SLC4A3: variants seen among roughly 807,000 people sequenced by gnomAD.
SLC4A3 encodes the protein solute carrier family 4 member 3.
A neutral mutation model predicts 114.2 loss-of-function variants in SLC4A3; 47 were observed. The ratio of observed to expected loss-of-function variants is 0.41; its 90% CI spans 0.33 to 0.52. The LOEUF is 0.52. Ranked by LOEUF, SLC4A3 falls within the 20% of genes least tolerant of loss-of-function variation. SLC4A3 has a pLI of 0.21. For synonymous variants in SLC4A3, 693 were observed against 710.3 expected (o/e 0.98, Z 0.39); for missense variants, 1,312 against 1,668.3 (o/e 0.79, Z 3.72).
Position 219,633,207 on chromosome 2 carries a change from A to G in SLC4A3, c.1278-67A>G. Reference sequence around the variant, plus strand: ...GGGATGGAGGTCCTGACCCTCCACTACTCACCTCATGACCTCAGTCTACCA... The same window carrying G: ...GGGATGGAGGTCCTGACCCTCCACTGCTCACCTCATGACCTCAGTCTACCA... On this transcript the variant is annotated intron_variant, in intron 9 of 22. Coordinates refer to ENST00000358055, the MANE Select transcript of SLC4A3 (RefSeq NM_005070.4). 3.5e-6 allele frequency: 5 copies of G among 1,448,210 alleles called. No homozygotes were observed. In the East Asian group the frequency reaches 9.2e-5, roughly 27 times the overall value. The allele number at this position is 1,448,210 out of a possible 1,614,324, so 89.7% of individuals were successfully genotyped here.
intron 14 of SLC4A3, 57 bp downstream of exon 14, chr2:219,635,948 T>A: frequency 7.4e-7 from 1 of 1,342,936 alleles, no homozygotes; most frequent in Non-Finnish European, 9.9e-7. Flanking sequence ...CTGGTCCCAG[T>A]GTCACTTGCA....
rs780019162 is a variant in SLC4A3, at chr2:219,637,543, C to T, written c.2536-38C>T. ...ATGACGATGAAGTCAGGTCACCTGC[C>T]AGGTGAGTGACAAGGCATCCTTGTT... On this transcript the variant is annotated intron_variant, in intron 16 of 22. Transcript: ENST00000358055. This position sits in a 1 kb window ranked among gnomAD's most constrained non-coding sequence, Gnocchi z 4.6. 1.7e-6 allele frequency: 2 copies of T among 1,192,792 alleles called. No homozygotes were observed. Among genetic ancestry groups the T allele is most frequent in the Non-Finnish European group, 2.4e-6 (2 of 828,826 alleles). The allele number at this position is 1,192,792 out of a possible 1,614,324, so 73.9% of individuals were successfully genotyped here. A position where few individuals can be genotyped will look rare whatever the true frequency, so the allele number is the denominator to read the frequency against.
chr2:219,629,318 G>A lies in SLC4A3; in HGVS notation c.392G>A (p.Gly131Glu). 1 of 1,613,164 alleles carries A rather than the reference G, an allele frequency of 6.2e-7. No homozygotes were observed. Among genetic ancestry groups the A allele is most frequent in the Non-Finnish European group, 8.5e-7 (1 of 1,179,520 alleles). The change falls in exon 4 of 23, where the codon GGA becomes GAA. Residue 131 changes from glycine (G) to glutamate (E), a missense_variant. Physicochemically the swap from Gly to Glu is moderately conservative, Grantham distance 98. Transcript: ENST00000358055. ...EGTPPIQEEG[G>E]AGVDEEEEEE... ...ACCCCTCCCATCCAGGAGGAGGGGGGAGCTGGAGTGGATGAGGAAGAGGAG... is the reference window on the plus strand; with the variant it reads ...ACCCCTCCCATCCAGGAGGAGGGGGAAGCTGGAGTGGATGAGGAAGAGGAG...
At position 219,629,390 on chromosome 2, in the gene SLC4A3, C is replaced by T. The variant is rs528947239; in HGVS notation, c.464C>T (p.Pro155Leu). The T allele has an allele frequency of 5.5e-5, 88 of 1,589,922 alleles. No individual in the cohort carries two copies. In the African/African-American group the frequency reaches 5.9e-4, roughly 11 times the overall value. ...EGESEAEPVE[P>L]PHSGTPQKAK... is the part of the protein sequence containing the mutation. ...GAATCTGAGGCAGAACCTGTGGAGC[C>T]CCCCCACTCAGGGACCCCACAGAAG... The change falls in exon 4 of 23, where the codon CCC becomes CTC. Residue 155 changes from proline (P) to leucine (L), a missense_variant. This residue lies in a region of SLC4A3 where 236 missense variants were observed against 212.1 expected (regional missense o/e 1.11). Coordinates refer to ENST00000358055, the MANE Select transcript of SLC4A3 (RefSeq NM_005070.4).
At position 219,640,890 on chromosome 2, in the gene SLC4A3, C is replaced by T. The variant is rs1020179402; in HGVS notation, c.3549C>T (p.Phe1183=). 1.2e-6 allele frequency: 2 copies of T among 1,611,644 alleles called. No homozygotes were observed. Among genetic ancestry groups the T allele is most frequent in the African/African-American group, 1.3e-5 (1 of 74,922 alleles). The change falls in exon 22 of 23, where the codon TTC becomes TTT. Residue 1183 remains phenylalanine, a synonymous_variant. Coordinates refer to ENST00000358055, the MANE Select transcript of SLC4A3 (RefSeq NM_005070.4). The stretch of plus-strand genomic sequence containing the variant: ...CGGCGGCCTCACTCGCCTTTCCCTT[C>T]CTGCTGCTGCTCACGGTGCCTCTGA... ...KSTAASLAFP[F]LLLLTVPLRH... is the part of the protein sequence containing the mutation.
chr2:219,635,302 A>T lies in SLC4A3; in HGVS notation c.1778A>T (p.Asp593Val). 1 of 1,614,024 alleles carries T rather than the reference A, an allele frequency of 6.2e-7. No homozygotes were observed. The highest frequency in any genetic ancestry group is 8.5e-7 in the Non-Finnish European group (1 of 1,179,994). The stretch of plus-strand genomic sequence containing the variant: ...CATGAGGCTGCCTACCAGGCAGATG[A>T]CCGGCAAGACCTCCTAAGTGCCATC... The part of the protein sequence containing the change: ...LFHEAAYQAD[D>V]RQDLLSAISE... The change falls in exon 13 of 23, where the codon GAC (aspartate) becomes GTC (valine). Residue 593 changes from aspartate (D) to valine (V), a missense_variant. Coordinates refer to ENST00000358055, the MANE Select transcript of SLC4A3 (RefSeq NM_005070.4).
intron 12 of SLC4A3, 51 bp downstream of exon 12, chr2:219,634,655 C>T (rs1699056113): frequency 1.3e-6 from 2 of 1,575,516 alleles, no homozygotes; most frequent in Non-Finnish European, 1.7e-6. Context: ...CCTGCTTACC[C>T]CTGTCCCTCA....
chr2:219,639,952 C>T lies in SLC4A3; in HGVS notation c.3277+217C>T, dbSNP rs550389922. Among the ~76,000 whole-genome samples, 6 of 151,940 alleles carry T rather than the reference C, an allele frequency of 3.9e-5. No homozygotes were observed. Among genetic ancestry groups the T allele is most frequent in the South Asian group, 2.1e-4 (1 of 4,816 alleles). On this transcript the variant is annotated intron_variant, in intron 20 of 22. Transcript: ENST00000358055. This position sits in a 1 kb window ranked among gnomAD's most constrained non-coding sequence, Gnocchi z 5.9. ...CTCTTCTCTCTCTTTTTTTTTGAGACGGAGTCTCGCTCTGTCACCCAGGCT... is the reference window on the plus strand; with the variant it reads ...CTCTTCTCTCTCTTTTTTTTTGAGATGGAGTCTCGCTCTGTCACCCAGGCT...
chr2:219,633,365 C>T lies in SLC4A3; in HGVS notation c.1369C>T (p.Pro457Ser). The T allele has an allele frequency of 6.2e-7, 1 of 1,607,738 alleles. No homozygotes were observed. The highest frequency in any genetic ancestry group is 8.5e-7 in the Non-Finnish European group (1 of 1,175,908). Residue 457 changes from proline to serine, a missense_variant, in exon 10 of 23, where the codon CCC (proline) becomes TCC (serine). Around this residue, in one of 4 missense-constraint regions of SLC4A3, gnomAD observed 771 missense variants for 977.7 expected, o/e 0.79. Transcript: ENST00000358055. Reference protein sequence around the residue: ...NSVLGNHHPTPSHGPDGAVPT... With the variant: ...NSVLGNHHPTSSHGPDGAVPT... ...GGTTCTGGGGAATCATCACCCAACT[C>T]CCAGCCATGGCCCTGATGGGGCGGT...
chr2:219,631,218 G>A lies in SLC4A3; in HGVS notation c.812-750G>A. The A allele has an allele frequency of 8.1e-6, 10 of 1,234,868 alleles. No individual in the cohort carries two copies. Among genetic ancestry groups the A allele is most frequent in the Non-Finnish European group, 1.1e-5 (10 of 951,310 alleles). The allele number at this position is 1,234,868 out of a possible 1,614,324, so 76.5% of individuals were successfully genotyped here. A position where few individuals can be genotyped will look rare whatever the true frequency, so the allele number is the denominator to read the frequency against. ...AGGGGTCTGGTAGGGAGCGGAGGCC[G>A]AGGTCTCGGCCACCGGGAGAATGAC... is the stretch of plus-strand genomic sequence containing the variant. On this transcript the variant is annotated intron_variant, in intron 6 of 22. Coordinates refer to ENST00000358055, the MANE Select transcript of SLC4A3 (RefSeq NM_005070.4). The surrounding 1 kb of genome is among the most constrained non-coding windows in gnomAD (Gnocchi z 6.3).
rs1698990932 is a variant in SLC4A3, at chr2:219,633,052, G to A, written c.1277+43G>A. The stretch of plus-strand genomic sequence containing the variant: ...TGGGAGGGGCCTGTCCAGCTCAGCT[G>A]CCCTTCCAGGAGCACATCCTCTTCC... On this transcript the variant is annotated intron_variant, in intron 9 of 22. Transcript: ENST00000358055. The A allele has an allele frequency of 3.1e-6, 5 of 1,603,538 alleles. No homozygotes were observed. The African/African-American group carries it at 6.7e-5, about 21-fold the overall frequency.
In SLC4A3 at chr2:219,638,322, T is replaced by G; in HGVS notation, c.2856+69T>G. On this transcript the variant is annotated intron_variant, in intron 18 of 22. Coordinates refer to ENST00000358055, the MANE Select transcript of SLC4A3 (RefSeq NM_005070.4). The surrounding 1 kb of genome is among the most constrained non-coding windows in gnomAD (Gnocchi z 7.5). ...CAGGAGAGGGAGCCCACAACACACT[T>G]CCATGGGCCCTGGGATTGGGATCAG... 1 of 1,214,798 alleles carries G rather than the reference T, an allele frequency of 8.2e-7. No homozygotes were observed. Among genetic ancestry groups the G allele is most frequent in the Non-Finnish European group, 1.2e-6 (1 of 837,460 alleles). 75.3% of individuals were successfully genotyped at this position (1,214,798 alleles called of 1,614,324 possible). A position where few individuals can be genotyped will look rare whatever the true frequency, so the allele number is the denominator to read the frequency against.
chr2:219,632,681 C>T (rs901330744), intron 8 of SLC4A3, among the ~76,000 whole-genome samples, 193 bp from the exon 9 acceptor site: 3 of 152,252 alleles, frequency 2.0e-5, no homozygotes, highest in Non-Finnish European at 2.9e-5. Context: ...GCCGTGCCCT[C>T]GTTTCCATGC....
rs1417529319 is a variant in SLC4A3 at position 219,640,416 on chromosome 2, G to T, written c.3278-14G>T. 1 of 1,607,750 alleles carries T rather than the reference G, an allele frequency of 6.2e-7. No individual in the cohort carries two copies. Among genetic ancestry groups the T allele is most frequent in the Non-Finnish European group, 8.5e-7 (1 of 1,176,082 alleles). ...CTGTCTGAGGGTCAGGCGGGTCTGT[G>T]TCACCTCCTCCAGGCCTGTCCATCG... On this transcript the variant is annotated splice_polypyrimidine_tract_variant and intron_variant, in intron 20 of 22. Transcript: ENST00000358055.
chr2:219,636,584 C>A lies in SLC4A3; in HGVS notation c.2341-96C>A. ...CCTAGGGGATGGGTCCCTGCATTCT[C>A]CCTCTTCCTCGGAGTTCATCCGCTG... On this transcript the variant is annotated intron_variant, in intron 15 of 22. Coordinates refer to ENST00000358055, the MANE Select transcript of SLC4A3 (RefSeq NM_005070.4). The surrounding 1 kb of genome is among the most constrained non-coding windows in gnomAD (Gnocchi z 5.5). 1 of 1,480,508 alleles carries A rather than the reference C, an allele frequency of 6.8e-7. No homozygotes were observed. Among genetic ancestry groups the A allele is most frequent in the Non-Finnish European group, 9.1e-7 (1 of 1,094,594 alleles). 91.7% of individuals were successfully genotyped at this position (1,480,508 alleles called of 1,614,324 possible).
At chr2:219,633,517 G>C (rs1214419072) in intron 10 of SLC4A3, 60 bp downstream of exon 10, 1 of 1,390,272 alleles carries the variant, frequency 7.2e-7, no homozygotes, top group Non-Finnish European at 9.6e-7. Context: ...TTTCAGTCGA[G>C]GTCATCGACG....
Position 219,641,818 on chromosome 2 carries a change from C to G in SLC4A3, c.*90C>G, listed in dbSNP as rs1158067069. ...GAGCCCAGCCCTGGGCTGGGGGGCT[C>G]CTCAGGACCCAGAGATGTGCCTGGA... On this transcript the variant is annotated 3_prime_UTR_variant, in exon 23 of 23. Transcript: ENST00000358055. The surrounding 1 kb of genome is among the most constrained non-coding windows in gnomAD (Gnocchi z 4.0). 9.4e-7 allele frequency: 1 copy of G among 1,062,900 alleles called. No individual in the cohort carries two copies. Among genetic ancestry groups the G allele is most frequent in the Non-Finnish European group, 1.4e-6 (1 of 694,308 alleles). 65.8% of individuals were successfully genotyped at this position (1,062,900 alleles called of 1,614,324 possible).
At position 219,639,933 on chromosome 2, in the gene SLC4A3, T is replaced by C. The variant is rs1699259699; in HGVS notation, c.3277+198T>C. On this transcript the variant is annotated intron_variant, in intron 20 of 22. Transcript: ENST00000358055. This position sits in a 1 kb window ranked among gnomAD's most constrained non-coding sequence, Gnocchi z 5.9. ...TGGCTCTCTGTCCTGCCCCCTCTTC[T>C]CTCTCTTTTTTTTTGAGACGGAGTC... 6.7e-6 allele frequency among the ~76,000 whole-genome samples: 1 copy of C among 150,170 alleles called. No homozygotes were observed. Among genetic ancestry groups the C allele is most frequent in the Non-Finnish European group, 1.5e-5 (1 of 67,948 alleles).
In SLC4A3 at chr2:219,637,692, C is replaced by A; in HGVS notation, c.2647C>A (p.Pro883Thr). 1 of 1,612,088 alleles carries A rather than the reference C, an allele frequency of 6.2e-7. No individual in the cohort carries two copies. The highest frequency in any genetic ancestry group is 8.5e-7 in the Non-Finnish European group (1 of 1,178,246). The stretch of plus-strand genomic sequence containing the variant: ...CAGTGCCCTGCCCCCCACCGAGGGC[C>A]CCCCCAGCCCGAGGAACCAGCCCAA... The part of the protein sequence containing the change: ...NGSALPPTEG[P>T]PSPRNQPNTA... The change falls in exon 17 of 23, where the codon CCC (proline) becomes ACC (threonine). Residue 883 changes from proline (P) to threonine (T), a missense_variant. Pro to Thr is a conservative substitution (Grantham distance 38). Coordinates refer to ENST00000358055, the MANE Select transcript of SLC4A3 (RefSeq NM_005070.4). This position sits in a 1 kb window ranked among gnomAD's most constrained non-coding sequence, Gnocchi z 4.6.
Sources: allele counts gnomAD v4.1 joint callset (sites outside exome capture counted in the v4.1 genomes callset), GRCh38; gene constraint gnomAD v4.1.1; regional missense constraint gnomAD v4.1.1; non-coding constraint Gnocchi (gnomAD v3.1); transcripts MANE v1.5; gene names NCBI Gene and HGNC (gene_info 2026-07-23, HGNC 2026-07-21).